The following DPF3 variants were observed in gnomAD, a reference collection of about 807,000 sequenced individuals.
DPF3 encodes the protein zinc finger protein DPF3.
Under a neutral mutation model 56.8 loss-of-function variants are expected in DPF3, and 18 were observed. The ratio of observed to expected loss-of-function variants is 0.32; its 90% CI spans 0.22 to 0.47. The LOEUF (loss-of-function observed/expected upper bound fraction) is 0.47, where lower values mean the gene tolerates loss of function less well. DPF3 is among the 20% of genes least tolerant of loss of function. The probability of loss-of-function intolerance (pLI) is 1.00; values close to 1 mark genes in which losing one functional copy is unlikely to be tolerated. For missense variants in DPF3, 403 were observed against 488.8 expected (o/e 0.82, Z 1.65); for synonymous variants, 188 against 180.2 (o/e 1.04, Z -0.35).
chr14:72,660,894 G>T, intron 8 of DPF3: 1 of 271,702 alleles, frequency 3.7e-6, no homozygotes, highest in Non-Finnish European at 5.6e-6. Context: ...TGCTGTTCTA[G>T]ACCATGCTTG....
chr14:72,818,453 G>T (rs1431297227), intron 1 of DPF3, among the ~76,000 whole-genome samples: 1 of 152,182 alleles, frequency 6.6e-6, no homozygotes, highest in African/African-American at 2.4e-5. Flanking sequence ...ACCAAGACGG[G>T]AGGATCATTT....
intron 8 of DPF3, among the ~76,000 whole-genome samples, chr14:72,653,919 T>C (rs886503738): frequency 4.6e-5 from 7 of 152,166 alleles, no homozygotes; most frequent in African/African-American, 1.4e-4. Context: ...TGTTACGACA[T>C]CTACAACTAG....
chr14:72,844,735 G>A lies in DPF3; in HGVS notation c.32+49322C>T, dbSNP rs138702376. On this transcript the variant is annotated intron_variant, in intron 1 of 10. Transcript: ENST00000556509. ...TGACTCAGAATGCCCTGGGAATGACGTGGTCAAGGCACAGACTGTGCATTT... is the reference window on the plus strand; with the variant it reads ...TGACTCAGAATGCCCTGGGAATGACATGGTCAAGGCACAGACTGTGCATTT... Among the ~76,000 whole-genome samples the A allele has an allele frequency of 7.4e-3, 1,129 of 152,322 alleles. 9 individuals are homozygous for A. The highest frequency in any genetic ancestry group is 0.025 in the African/African-American group (1,028 of 41,568).
intron 1 of DPF3, among the ~76,000 whole-genome samples, chr14:72,800,623 T>A (rs1892846231): frequency 6.6e-6 from 1 of 152,010 alleles, no homozygotes. Flanking sequence ...CATGCACAGA[T>A]GGATGCATGG....
chr14:72,695,732 C>G (rs1250663972), intron 6 of DPF3, among the ~76,000 whole-genome samples: 1 of 152,112 alleles, frequency 6.6e-6, no homozygotes. Context: ...GGCTTGAAAA[C>G]CTACCTATTG....
intron 1 of DPF3, among the ~76,000 whole-genome samples, chr14:72,863,618 C>T (rs1338445127): frequency 6.6e-6 from 1 of 150,896 alleles, no homozygotes; most frequent in African/African-American, 2.4e-5. Context: ...GCCCACATGC[C>T]TATATAGAGT....
At chr14:72,694,113 T>A (rs1887810574) in intron 6 of DPF3, among the ~76,000 whole-genome samples, 1 of 152,218 alleles carries the variant, frequency 6.6e-6, no homozygotes, top group Non-Finnish European at 1.5e-5. Flanking sequence ...GGTTAGATGC[T>A]CAGTTCCTGG....
At chr14:72,619,509 G>A (rs1398100898) in intron 10 of DPF3, 142 bp from the exon 11 acceptor site, 9 of 921,304 alleles carry the variant, frequency 9.8e-6, no homozygotes, top group Non-Finnish European at 1.5e-5. Flanking sequence ...AAACGTGCCA[G>A]AGTCTGTGGC....
At chr14:72,724,230 TTC>T (rs1889300190) in intron 4 of DPF3, 1 of 149,632 alleles carries the variant, frequency 6.7e-6, no homozygotes, top group Non-Finnish European at 1.5e-5. Context: ...CTGCTTTTTT[TTC>T]TTTTTTTTTT....
At chr14:72,644,243 G>A (rs1169198401) in intron 8 of DPF3, among the ~76,000 whole-genome samples, 2 of 152,126 alleles carry the variant, frequency 1.3e-5, no homozygotes, top group Non-Finnish European at 2.9e-5. Context: ...ATCTGGCGTC[G>A]TATTACCTCT....
chr14:72,869,708 G>A lies in DPF3; in HGVS notation c.32+24349C>T, dbSNP rs78770812. Among the ~76,000 whole-genome samples, 744 of 152,234 alleles carry A rather than the reference G, an allele frequency of 4.9e-3. 7 individuals carry two copies. Among genetic ancestry groups the A allele is most frequent in the African/African-American group, 0.017 (704 of 41,538 alleles). On this transcript the variant is annotated intron_variant, in intron 1 of 10. Transcript: ENST00000556509. ...AAAAGAGGGCTGGGAGAGAGAGAGT[G>A]CCAACCTCCTCAATCCCCTTCTTGT...
chr14:72,804,545 T>C (rs1893013694), intron 1 of DPF3, among the ~76,000 whole-genome samples: 1 of 152,204 alleles, frequency 6.6e-6, no homozygotes, highest in South Asian at 2.1e-4. Flanking sequence ...CACATGATTA[T>C]TTAAGCACAA....
chr14:72,743,343 T>C (rs1255865636), intron 3 of DPF3, among the ~76,000 whole-genome samples: 1 of 152,040 alleles, frequency 6.6e-6, no homozygotes, highest in African/African-American at 2.4e-5. Flanking sequence ...TCAAGCAACA[T>C]GGCAGCAGCT....
chr14:72,884,627 C>A (rs1193909289), intron 1 of DPF3, among the ~76,000 whole-genome samples: 4 of 151,932 alleles, frequency 2.6e-5, no homozygotes, highest in South Asian at 4.2e-4. Context: ...CTCCTGCCCC[C>A]CAAGCTATCC....
chr14:72,716,526 C>A (rs1888934377), intron 5 of DPF3, among the ~76,000 whole-genome samples: 1 of 152,228 alleles, frequency 6.6e-6, no homozygotes, highest in Admixed American at 6.5e-5. Context: ...TGTTTTCTTT[C>A]CCCTCCCATT....
intron 1 of DPF3, among the ~76,000 whole-genome samples, chr14:72,815,794 A>G (rs1247746404): frequency 1.3e-5 from 2 of 152,212 alleles, no homozygotes; most frequent in African/African-American, 2.4e-5. Context: ...TCACTGGGCC[A>G]GCATCAAGGT....
chr14:72,737,206 C>CA (rs201407776), intron 3 of DPF3, among the ~76,000 whole-genome samples: 9,430 of 145,024 alleles, frequency 0.065, 390 homozygotes, highest in South Asian at 0.16. Context: ...AACAAACAAA[C>CA]AAACAAAAAA....
chr14:72,808,396 G>A (rs954255528), intron 1 of DPF3, among the ~76,000 whole-genome samples: 10 of 152,098 alleles, frequency 6.6e-5, no homozygotes, highest in East Asian at 1.9e-4. Context: ...AGGACATTTC[G>A]AACTCAAATA....
At chr14:72,884,940 C>CTATATATATATTATAGTA (rs1886458072) in intron 1 of DPF3, among the ~76,000 whole-genome samples, 1 of 29,602 alleles carries the variant, frequency 3.4e-5, no homozygotes, top group Admixed American at 4.9e-4. Flanking sequence ...ACTAAAAATA[C>CTATATATATATTATAGTA]TATATATATA....
Sources: gnomAD v4.1 joint callset for allele counts (sites outside exome capture counted in the v4.1 genomes callset) on GRCh38, gnomAD v4.1.1 for gene constraint, MANE v1.5 for transcripts, NCBI Gene and HGNC (gene_info 2026-07-23, HGNC 2026-07-21) for gene names.